Variants in KCNMA1 observed in about 807,000 individuals in gnomAD.
The protein encoded by KCNMA1 is potassium calcium-activated channel subfamily M alpha 1, also known as Calcium-activated potassium channel subunit alpha-1.
A neutral mutation model predicts 140.0 loss-of-function variants in KCNMA1; 29 were observed. That is an observed-to-expected ratio of 0.21 (90% CI 0.15 to 0.28). The LOEUF is 0.28. Among genes scored for constraint, KCNMA1 ranks in the 10% least tolerant of loss-of-function variants. KCNMA1 has a pLI of 1.00. For synonymous variants in KCNMA1, 612 were observed against 611.9 expected (o/e 1.00, Z 0.00); for missense variants, 880 against 1,602.2 (o/e 0.55, Z 7.70).
chr10:76,892,935 CT>C (rs2040833094), intron 25 of KCNMA1, among the ~76,000 whole-genome samples: 1 of 152,206 alleles, frequency 6.6e-6, no homozygotes, highest in Non-Finnish European at 1.5e-5. Flanking sequence ...AAAATTCCAA[CT>C]GCAAAAGAAT....
intron 1 of KCNMA1, among the ~76,000 whole-genome samples, chr10:77,469,329 C>T (rs777071470): frequency 2.6e-5 from 4 of 152,170 alleles, no homozygotes; most frequent in Admixed American, 1.3e-4. Flanking sequence ...CTGGTCAAGA[C>T]GTCCACCTTC....
At position 77,001,398 on chromosome 10, in the gene KCNMA1, TA is replaced by T; in HGVS notation, c.2266+8del. On this transcript the variant is annotated splice_region_variant and intron_variant, in intron 19 of 27. Coordinates refer to ENST00000286628, the MANE Select transcript of KCNMA1 (RefSeq NM_001161352.2). Reference sequence around the variant, plus strand: ...AACATGGAACTACGTGTGTTGAGGTTAAACTTACAGGCACGGAAACTGGTGG... The same window carrying T: ...AACATGGAACTACGTGTGTTGAGGTTAACTTACAGGCACGGAAACTGGTGG... The T allele has an allele frequency of 6.4e-7, 1 of 1,551,278 alleles. No individual in the cohort carries two copies. The highest frequency in any genetic ancestry group is 1.2e-5 in the South Asian group (1 of 84,046).
intron 1 of KCNMA1, among the ~76,000 whole-genome samples, chr10:77,611,893 A>G (rs986920176): frequency 6.6e-6 from 1 of 152,220 alleles, no homozygotes; most frequent in Non-Finnish European, 1.5e-5. Flanking sequence ...AGGCACTCTG[A>G]TCATAAGTCC....
chr10:77,193,889 C>T (rs1333428684), intron 3 of KCNMA1, among the ~76,000 whole-genome samples: 2 of 152,208 alleles, frequency 1.3e-5, no homozygotes, highest in Non-Finnish European at 2.9e-5. Flanking sequence ...ACTCCTCTCA[C>T]ATCTACAGGA....
chr10:76,972,791 A>G (rs2076428467), intron 19 of KCNMA1, among the ~76,000 whole-genome samples: 1 of 152,168 alleles, frequency 6.6e-6, no homozygotes, highest in South Asian at 2.1e-4. Flanking sequence ...TAAATATATG[A>G]ACGCTGTGTA....
intron 19 of KCNMA1, among the ~76,000 whole-genome samples, chr10:76,975,928 G>A (rs933076730): frequency 6.6e-6 from 1 of 152,070 alleles, no homozygotes; most frequent in African/African-American, 2.4e-5. Flanking sequence ...CACAGATTAG[G>A]AAAAGAAGAA....
intron 5 of KCNMA1, among the ~76,000 whole-genome samples, chr10:77,155,217 C>T (rs2098469449): frequency 6.6e-6 from 1 of 152,172 alleles, no homozygotes. Context: ...AAGATCCCTG[C>T]AAACAACTAA....
At chr10:77,378,803 T>C (rs1329106311) in intron 2 of KCNMA1, among the ~76,000 whole-genome samples, 2 of 152,202 alleles carry the variant, frequency 1.3e-5, no homozygotes, top group Admixed American at 6.5e-5. Context: ...TGGTGGGACT[T>C]ACCCAATTAT....
chr10:77,101,546 G>T (rs1394595816), intron 9 of KCNMA1, among the ~76,000 whole-genome samples: 1 of 152,118 alleles, frequency 6.6e-6, no homozygotes, highest in Non-Finnish European at 1.5e-5. Context: ...ATATGTTGAT[G>T]ATTTGCTAAT....
chr10:77,326,835 A>T (rs1194794855), intron 2 of KCNMA1, among the ~76,000 whole-genome samples: 1 of 152,058 alleles, frequency 6.6e-6, no homozygotes, highest in Non-Finnish European at 1.5e-5. Context: ...TAAATAAATG[A>T]GTTTTCCAGA....
chr10:77,034,598 G>T (rs2094188691), intron 15 of KCNMA1, among the ~76,000 whole-genome samples: 2 of 152,130 alleles, frequency 1.3e-5, no homozygotes, highest in Non-Finnish European at 2.9e-5. Context: ...GGTAGAGGAG[G>T]GAAAAGAGAA....
intron 14 of KCNMA1, among the ~76,000 whole-genome samples, chr10:77,057,959 AAGAG>A (rs1462284210): frequency 6.6e-6 from 1 of 151,966 alleles, no homozygotes; most frequent in Non-Finnish European, 1.5e-5. Context: ...CCAATTAAGA[AAGAG>A]AGATTCAAAG....
chr10:76,941,100 A>AG (rs1271652437), intron 23 of KCNMA1, among the ~76,000 whole-genome samples: 1 of 94,066 alleles, frequency 1.1e-5, no homozygotes, highest in Non-Finnish European at 2.1e-5. Context: ...AGAAAGAAAG[A>AG]AGGGAGGGAG....
At chr10:77,287,435 T>G (rs1565739532) in intron 2 of KCNMA1, among the ~76,000 whole-genome samples, 2 of 152,176 alleles carry the variant, frequency 1.3e-5, no homozygotes, top group South Asian at 4.1e-4. Context: ...CTTTAGCAAT[T>G]TTATTACAGA....
chr10:77,290,908 C>T (rs1281094538), intron 2 of KCNMA1, among the ~76,000 whole-genome samples: 1 of 152,170 alleles, frequency 6.6e-6, no homozygotes, highest in Non-Finnish European at 1.5e-5. Context: ...ATCAGTGTCT[C>T]ATGAGGCTGG....
At chr10:77,035,597 G>C (rs996924652) in intron 15 of KCNMA1, among the ~76,000 whole-genome samples, 3 of 152,080 alleles carry the variant, frequency 2.0e-5, no homozygotes, top group African/African-American at 7.2e-5. Context: ...CTCTAGAAGT[G>C]GCACCAAGCT....
chr10:77,249,213 C>T (rs1053053923), intron 3 of KCNMA1, among the ~76,000 whole-genome samples: 11 of 152,140 alleles, frequency 7.2e-5, no homozygotes, highest in Non-Finnish European at 1.3e-4. Flanking sequence ...ATAAAAGAAA[C>T]CAGAATCAGA....
At chr10:76,999,952 T>C (rs1376589515) in intron 19 of KCNMA1, among the ~76,000 whole-genome samples, 1 of 152,096 alleles carries the variant, frequency 6.6e-6, no homozygotes, top group Non-Finnish European at 1.5e-5. Context: ...TGGCACACAG[T>C]GAAGTCCCGG....
In KCNMA1 at chr10:77,595,274, G is replaced by T. The variant is rs533116488; in HGVS notation, c.378+41991C>A. ...CGGCCAGAGAATCACTTGAACCTGGGAAGTGGAGGTTGCAGTGAGCCAAGA... is the reference window on the plus strand; with the variant it reads ...CGGCCAGAGAATCACTTGAACCTGGTAAGTGGAGGTTGCAGTGAGCCAAGA... On this transcript the variant is annotated intron_variant, in intron 1 of 27. Coordinates refer to ENST00000286628, the MANE Select transcript of KCNMA1 (RefSeq NM_001161352.2). Among the ~76,000 whole-genome samples, 189 of 149,572 alleles carry T rather than the reference G, an allele frequency of 1.3e-3. 2 individuals are homozygous for T. The highest frequency in any genetic ancestry group is 4.1e-3 in the Admixed American group (59 of 14,420).
Sources: allele counts gnomAD v4.1 joint callset (sites outside exome capture counted in the v4.1 genomes callset), GRCh38; gene constraint gnomAD v4.1.1; transcripts MANE v1.5; gene names NCBI Gene and HGNC (gene_info 2026-07-23, HGNC 2026-07-21).